CDH23: variants seen among roughly 807,000 people sequenced by gnomAD.
The protein encoded by CDH23 is cadherin-23.
CDH23 carries 189 observed loss-of-function variants against 317.1 expected under a neutral mutation model. The ratio of observed to expected loss-of-function variants is 0.60; its 90% CI spans 0.53 to 0.67. The LOEUF is 0.67. Ranked by LOEUF, CDH23 falls within the 30% of genes least tolerant of loss-of-function variation. CDH23 has a pLI of 0.00. For missense variants in CDH23, 4,401 were observed against 4,592.4 expected (o/e 0.96, Z 1.20); for synonymous variants, 1,839 against 1,876.8 (o/e 0.98, Z 0.52).
At chr10:71,807,816 G>A (rs1841781141) in intron 59 of CDH23, 30 bp from the exon 60 acceptor site, 4 of 1,591,258 alleles carry the variant, frequency 2.5e-6, no homozygotes, top group Non-Finnish European at 3.4e-6. Flanking sequence ...CCCCTGCCCT[G>A]CCACTTACAC....
chr10:71,579,101 T>G (rs1448350380), intron 9 of CDH23, among the ~76,000 whole-genome samples: 1 of 152,182 alleles, frequency 6.6e-6, no homozygotes, highest in African/African-American at 2.4e-5. Context: ...ATAAAGGGCT[T>G]AGTTAACGTA....
chr10:71,804,644 G>A (rs1315550751), intron 55 of CDH23, among the ~76,000 whole-genome samples: 2 of 152,098 alleles, frequency 1.3e-5, no homozygotes, highest in African/African-American at 2.4e-5. Context: ...GTGTCTCATC[G>A]GCAGTGATTG....
chr10:71,760,542 G>C, intron 38 of CDH23: 1 of 244,354 alleles, frequency 4.1e-6, no homozygotes, highest in South Asian at 9.6e-5. Context: ...AGCCATAGGG[G>C]GCTGGTGGGC....
rs1258554701 is a variant in CDH23 at position 71,797,196 on chromosome 10, G to A, written c.6805G>A (p.Glu2269Lys). 6.2e-7 allele frequency: 1 copy of A among 1,613,068 alleles called. No individual in the cohort carries two copies. Among genetic ancestry groups the A allele is most frequent in the Non-Finnish European group, 8.5e-7 (1 of 1,179,404 alleles). The part of the protein sequence containing the change: ...SVIDNASDLP[E>K]RSVSVPNAKL... ...GATTGACAATGCCAGCGACCTACCA[G>A]AGCGCTCTGTCAGTGTGCCAAATGG... The change falls in exon 49 of 70, where the codon GAG (glutamate) becomes AAG (lysine). Residue 2269 changes from glutamate (E) to lysine (K), a missense_variant. Transcript: ENST00000224721.
Position 71,397,928 on chromosome 10 carries a change from G to A in CDH23, c.-6+610G>A, listed in dbSNP as rs1188275288. 6.6e-6 allele frequency among the ~76,000 whole-genome samples: 1 copy of A among 152,214 alleles called. No individual in the cohort carries two copies. Among genetic ancestry groups the A allele is most frequent in the East Asian group, 1.9e-4 (1 of 5,196 alleles). ...GGGAAGACGCGCCCCTCGAGGAGCC[G>A]GGAGCCTTTTGCGGCTCTCGCTTCG... On this transcript the variant is annotated intron_variant, in intron 1 of 69. Transcript: ENST00000224721. The surrounding 1 kb of genome is among the most constrained non-coding windows in gnomAD (Gnocchi z 4.8).
chr10:71,627,856 C>G (rs1296315131), intron 11 of CDH23, among the ~76,000 whole-genome samples: 2 of 152,196 alleles, frequency 1.3e-5, no homozygotes, highest in African/African-American at 4.8e-5. Flanking sequence ...GGCGGGGCTT[C>G]CTGAAGACCC....
chr10:71,524,645 GCGGT>G (rs1854921244), intron 6 of CDH23, among the ~76,000 whole-genome samples: 1 of 152,178 alleles, frequency 6.6e-6, no homozygotes, highest in East Asian at 1.9e-4. Context: ...AGGGGATTTT[GCGGT>G]TAAGGACCTC....
At chr10:71,769,986 C>G (rs1194750098) in intron 38 of CDH23, among the ~76,000 whole-genome samples, 1 of 152,192 alleles carries the variant, frequency 6.6e-6, no homozygotes, top group South Asian at 2.1e-4. Context: ...AACCTGTAGG[C>G]ACCTCCATGG....
chr10:71,696,745 G>A (rs1865404977), intron 22 of CDH23, among the ~76,000 whole-genome samples: 1 of 152,228 alleles, frequency 6.6e-6, no homozygotes, highest in South Asian at 2.1e-4. Flanking sequence ...AATAGGCACA[G>A]TGGAATAGGG....
At chr10:71,783,759 T>C (rs1841020176) in intron 41 of CDH23, among the ~76,000 whole-genome samples, 1 of 152,258 alleles carries the variant, frequency 6.6e-6, no homozygotes, top group African/African-American at 2.4e-5. Context: ...GGGGCTTCCC[T>C]GCCCCTCATC....
intron 1 of CDH23, among the ~76,000 whole-genome samples, chr10:71,407,739 G>A (rs773238867): frequency 2.6e-5 from 4 of 152,210 alleles, no homozygotes; most frequent in Non-Finnish European, 5.9e-5. Context: ...GTTTTATCAT[G>A]TTGCTGTATG....
At chr10:71,572,775 C>G (rs1161831635) in intron 8 of CDH23, among the ~76,000 whole-genome samples, 1 of 152,240 alleles carries the variant, frequency 6.6e-6, no homozygotes, top group Non-Finnish European at 1.5e-5. Context: ...TAATTTTCCA[C>G]TTAATTATAG....
intron 6 of CDH23, among the ~76,000 whole-genome samples, chr10:71,511,465 G>T (rs1853982300): frequency 6.6e-6 from 1 of 152,078 alleles, no homozygotes; most frequent in South Asian, 2.1e-4. Context: ...CACACCTCCA[G>T]CTGGAGTCAA....
At chr10:71,615,438 C>A in intron 9 of CDH23, 66 bp from the exon 10 acceptor site, 1 of 1,097,464 alleles carries the variant, frequency 9.1e-7, no homozygotes, top group Non-Finnish European at 1.4e-6. Flanking sequence ...CCATGCCCCC[C>A]TGCCCCCAGC....
chr10:71,811,744 G>T lies in CDH23; in HGVS notation c.9310G>T (p.Gly3104Cys). Residue 3104 changes from glycine to cysteine, a missense_variant, in exon 65 of 70, where the codon GGC (glycine) becomes TGC (cysteine). Physicochemically the swap from Gly to Cys is radical, Grantham distance 159 (BLOSUM62 -3). Transcript: ENST00000224721. ...GAGGAAGCTCAAGGCCATTGTGGCT[G>T]GCTCAGCTGGTAAGTGAGGGCCATA... ...HKRKLKAIVA[G>C]SAGNRGFIDI... 6.3e-7 allele frequency: 1 copy of T among 1,580,952 alleles called. No homozygotes were observed.
At chr10:71,517,744 A>C (rs190365561) in intron 6 of CDH23, among the ~76,000 whole-genome samples, 144 of 152,220 alleles carry the variant, frequency 9.5e-4, no homozygotes, top group African/African-American at 3.2e-3. Context: ...GCACCTATTG[A>C]TCTGGGAGAG....
At chr10:71,778,391 T>C in intron 40 of CDH23, 83 bp downstream of exon 40, 1 of 1,551,994 alleles carries the variant, frequency 6.4e-7, no homozygotes, top group Non-Finnish European at 8.8e-7. Flanking sequence ...CGGGAAGGGG[T>C]TAGGGGAAGA....
chr10:71,812,209 G>C, intron 66 of CDH23, 194 bp downstream of exon 66: 1 of 1,588,758 alleles, frequency 6.3e-7, no homozygotes, highest in Non-Finnish European at 8.5e-7. Flanking sequence ...CTCCACCCCA[G>C]TGGGCCTCAA....
intron 32 of CDH23, 143 bp downstream of exon 32, chr10:71,732,518 G>A: frequency 7.3e-7 from 1 of 1,365,022 alleles, no homozygotes; most frequent in Non-Finnish European, 9.9e-7. Flanking sequence ...TGTAGTCCCA[G>A]CTGCTTGAGA....
Sources: gnomAD v4.1 joint callset for allele counts (sites outside exome capture counted in the v4.1 genomes callset) on GRCh38, gnomAD v4.1.1 for gene constraint, Gnocchi (gnomAD v3.1) non-coding constraint, MANE v1.5 for transcripts, NCBI Gene and HGNC (gene_info 2026-07-23, HGNC 2026-07-21) for gene names.